The following DSCAML1 variants were observed in gnomAD, a reference collection of about 807,000 sequenced individuals.
DSCAML1 encodes the protein DS cell adhesion molecule like 1.
In DSCAML1, 38 loss-of-function variants were observed where a neutral mutation model predicts 200.5. The observed-to-expected ratio is 0.19, with a 90% CI of 0.15 to 0.25. The LOEUF (loss-of-function observed/expected upper bound fraction) is 0.25, where lower values mean the gene tolerates loss of function less well. Among genes scored for constraint, DSCAML1 ranks in the 10% least tolerant of loss-of-function variants. The probability of loss-of-function intolerance (pLI) is 1.00; values close to 1 mark genes in which losing one functional copy is unlikely to be tolerated. For missense variants in DSCAML1, 2,223 were observed against 2,858.8 expected (o/e 0.78, Z 5.07); for synonymous variants, 1,215 against 1,165.0 (o/e 1.04, Z -0.87).
At chr11:117,693,202 G>A (rs758984365) in intron 3 of DSCAML1, among the ~76,000 whole-genome samples, 23 of 152,136 alleles carry the variant, frequency 1.5e-4, no homozygotes, top group African/African-American at 4.1e-4. Context: ...AACTCTAACC[G>A]TTACTATCTG....
chr11:117,641,716 A>G (rs1451657288), intron 3 of DSCAML1, among the ~76,000 whole-genome samples: 1 of 152,074 alleles, frequency 6.6e-6, no homozygotes, highest in African/African-American at 2.4e-5. Flanking sequence ...ACCAACTCCA[A>G]TTCCTGCCCC....
chr11:117,591,652 T>C (rs2051261490), intron 3 of DSCAML1, among the ~76,000 whole-genome samples: 1 of 152,208 alleles, frequency 6.6e-6, no homozygotes, highest in Non-Finnish European at 1.5e-5. Flanking sequence ...TTCGGAGTCC[T>C]CTTCATAAAT....
At chr11:117,532,989 A>G (rs2050109108) in intron 3 of DSCAML1, among the ~76,000 whole-genome samples, 1 of 151,518 alleles carries the variant, frequency 6.6e-6, no homozygotes, top group Non-Finnish European at 1.5e-5. Context: ...AAAATTAAAC[A>G]ATTAGCTGGG....
In DSCAML1 at chr11:117,498,131, A is replaced by G. The variant is rs2004926; in HGVS notation, c.2359+5714T>C. Among the ~76,000 whole-genome samples the G allele has an allele frequency of 0.021, 3,230 of 152,356 alleles. 75 individuals are homozygous for G. Among genetic ancestry groups the G allele is most frequent in the East Asian group, 0.096 (497 of 5,178 alleles). On this transcript the variant is annotated intron_variant, in intron 11 of 32. Coordinates refer to ENST00000651296, the MANE Select transcript of DSCAML1 (RefSeq NM_020693.4). This position sits in a 1 kb window ranked among gnomAD's most constrained non-coding sequence, Gnocchi z 4.0. ...ACCCAGGGAGGCGAAGACCAGCCCC[A>G]GCCCCCAAGGAGCTTCAGTCTGTGA...
At chr11:117,809,959 ACT>A (rs960438853) in intron 1 of DSCAML1, among the ~76,000 whole-genome samples, 21 of 137,782 alleles carry the variant, frequency 1.5e-4, no homozygotes, top group Admixed American at 3.7e-4. Context: ...ACATTCACAC[ACT>A]CACACATTCA....
chr11:117,476,358 A>G (rs115894834), intron 14 of DSCAML1, among the ~76,000 whole-genome samples: 5,090 of 152,128 alleles, frequency 0.033, 129 homozygotes, highest in South Asian at 0.035. Context: ...CTGCATCTCT[A>G]ATTTTCTCCT....
upstream of DSCAML1, among the ~76,000 whole-genome samples, chr11:117,800,167 G>C (rs1374991999): frequency 7.9e-5 from 12 of 152,212 alleles, no homozygotes; most frequent in Non-Finnish European, 1.6e-4. Context: ...AAAATGACAG[G>C]TTGGCTCAGA....
At chr11:117,527,913 G>A (rs1204816674) in intron 4 of DSCAML1, among the ~76,000 whole-genome samples, 1 of 152,154 alleles carries the variant, frequency 6.6e-6, no homozygotes, top group African/African-American at 2.4e-5. Flanking sequence ...GGCTCTCCAG[G>A]GGCAAGTTCT....
intron 3 of DSCAML1, among the ~76,000 whole-genome samples, chr11:117,548,749 T>C (rs927371546): frequency 5.3e-5 from 8 of 152,094 alleles, no homozygotes; most frequent in South Asian, 2.1e-4. Flanking sequence ...AGCTGGAAGA[T>C]TGGGCCAGCT....
Position 117,480,049 on chromosome 11 carries a change from A to C in DSCAML1, c.2785+394T>G, listed in dbSNP as rs148754322. ...AGGACCAGCTCTCTGATCTCCAATC[A>C]TCCTCCTCATCCCAGACCAGGAGCA... On this transcript the variant is annotated intron_variant, in intron 14 of 32. Coordinates refer to ENST00000651296, the MANE Select transcript of DSCAML1 (RefSeq NM_020693.4). The surrounding 1 kb of genome is among the most constrained non-coding windows in gnomAD (Gnocchi z 4.1). Among the ~76,000 whole-genome samples, 269 of 152,280 alleles carry C rather than the reference A, an allele frequency of 1.8e-3. No individual in the cohort carries two copies. Among genetic ancestry groups the C allele is most frequent in the African/African-American group, 5.9e-3 (247 of 41,558 alleles).
chr11:117,607,975 G>A (rs574116600), intron 3 of DSCAML1, among the ~76,000 whole-genome samples: 4 of 152,314 alleles, frequency 2.6e-5, no homozygotes, highest in South Asian at 2.1e-4. Flanking sequence ...CTTTCTTTAC[G>A]TGATGAGCTT....
chr11:117,522,253 G>A (rs188145392), intron 5 of DSCAML1, among the ~76,000 whole-genome samples: 1 of 152,300 alleles, frequency 6.6e-6, no homozygotes, highest in East Asian at 1.9e-4. Flanking sequence ...GTTGGGCTAA[G>A]GATCCCTCCT....
intron 3 of DSCAML1, among the ~76,000 whole-genome samples, chr11:117,751,581 G>A (rs1431090501): frequency 1.3e-5 from 2 of 152,064 alleles, no homozygotes; most frequent in Admixed American, 6.5e-5. Flanking sequence ...AGCTCTTTGG[G>A]AAGCCTTGGG....
At chr11:117,624,245 AAGGATGGGGAGCAGAGCC>A (rs2051998006) in intron 3 of DSCAML1, among the ~76,000 whole-genome samples, 1 of 151,964 alleles carries the variant, frequency 6.6e-6, no homozygotes, top group Non-Finnish European at 1.5e-5. Flanking sequence ...GATCAGGGGG[AAGGATGGGGAGCAGAGCC>A]AGGAGGGGCC....
chr11:117,458,438 G>T (rs1393521600), intron 19 of DSCAML1, among the ~76,000 whole-genome samples: 2 of 152,178 alleles, frequency 1.3e-5, no homozygotes, highest in African/African-American at 4.8e-5. Flanking sequence ...GCTGAATCTT[G>T]CAGGGGAGCA....
At chr11:117,552,437 C>G (rs771771402) in intron 3 of DSCAML1, among the ~76,000 whole-genome samples, 15 of 152,102 alleles carry the variant, frequency 9.9e-5, no homozygotes, top group South Asian at 4.2e-4. Context: ...ACCCCCCTCT[C>G]CCCTGCCCCC....
chr11:117,739,204 G>A (rs2054378020), intron 3 of DSCAML1, among the ~76,000 whole-genome samples: 1 of 152,202 alleles, frequency 6.6e-6, no homozygotes, highest in Non-Finnish European at 1.5e-5. Flanking sequence ...GCAGGGAAGG[G>A]ACTTGACTCC....
chr11:117,599,028 C>T (rs994634432), intron 3 of DSCAML1, among the ~76,000 whole-genome samples: 29 of 152,178 alleles, frequency 1.9e-4, no homozygotes, highest in African/African-American at 6.0e-4. Flanking sequence ...CACAGTAATA[C>T]GGATCTCAAC....
chr11:117,799,247 G>A (rs1413021437), upstream of DSCAML1, among the ~76,000 whole-genome samples: 1 of 152,160 alleles, frequency 6.6e-6, no homozygotes, highest in Admixed American at 6.5e-5. Context: ...TAAGCCTATT[G>A]ACCCAGAGCA....
Sources: gnomAD v4.1 joint callset for allele counts (sites outside exome capture counted in the v4.1 genomes callset) on GRCh38, gnomAD v4.1.1 for gene constraint, Gnocchi (gnomAD v3.1) non-coding constraint, MANE v1.5 for transcripts, NCBI Gene and HGNC (gene_info 2026-07-23, HGNC 2026-07-21) for gene names.